CFAP54: variants seen among roughly 807,000 people sequenced by gnomAD.
CFAP54 encodes cilia and flagella associated protein 54.
Under a neutral mutation model 370.4 loss-of-function variants are expected in CFAP54, and 290 were observed. The observed-to-expected ratio is 0.78, with a 90% CI of 0.71 to 0.86. The LOEUF (loss-of-function observed/expected upper bound fraction) is 0.86. Ranked by LOEUF, CFAP54 falls within the 40% of genes least tolerant of loss-of-function variation. The pLI, the probability that CFAP54 is intolerant of heterozygous loss-of-function variation, is 0.00. For synonymous variants in CFAP54, 1,206 were observed against 1,236.5 expected (o/e 0.98, Z 0.52); for missense variants, 3,399 against 3,528.7 (o/e 0.96, Z 0.93).
chr12:96,548,177 A>G (rs896948334), intron 15 of CFAP54, among the ~76,000 whole-genome samples, 199 bp downstream of exon 15: 2 of 152,070 alleles, frequency 1.3e-5, no homozygotes, highest in Non-Finnish European at 2.9e-5. Flanking sequence ...AAGCCCCATT[A>G]TAATTTACCA....
chr12:96,647,644 C>A (rs1262950129), intron 33 of CFAP54, among the ~76,000 whole-genome samples: 1 of 151,806 alleles, frequency 6.6e-6, no homozygotes, highest in Non-Finnish European at 1.5e-5. Context: ...TTTTCAAGAG[C>A]CCTTTCAGAG....
At chr12:96,708,950 G>C (rs1957578189) in intron 48 of CFAP54, 147 bp downstream of exon 48, 3 of 638,394 alleles carry the variant, frequency 4.7e-6, no homozygotes, top group Non-Finnish European at 2.6e-6. Flanking sequence ...ATGTACTTAT[G>C]TCTAGGTGTA....
chr12:96,795,030 C>A (rs777842956), intron 63 of CFAP54, among the ~76,000 whole-genome samples: 2 of 152,282 alleles, frequency 1.3e-5, no homozygotes, highest in East Asian at 3.9e-4. Flanking sequence ...AGGCACCCAT[C>A]GAAGCTACCG....
intron 30 of CFAP54, among the ~76,000 whole-genome samples, chr12:96,629,489 A>G (rs1314491237): frequency 7.2e-6 from 1 of 139,442 alleles, no homozygotes; most frequent in South Asian, 2.3e-4. Context: ...TTTTTTTTGT[A>G]TTTTTAGTAG....
At chr12:96,510,532 C>T (rs909879836) in intron 4 of CFAP54, among the ~76,000 whole-genome samples, 1 of 152,166 alleles carries the variant, frequency 6.6e-6, no homozygotes, top group African/African-American at 2.4e-5. Context: ...CCCCAGTTCC[C>T]CGTTACTGGC....
At chr12:96,532,432 C>T (rs1003347204) in intron 9 of CFAP54, among the ~76,000 whole-genome samples, 3 of 152,142 alleles carry the variant, frequency 2.0e-5, no homozygotes, top group African/African-American at 4.8e-5. Context: ...ATAGTTTGGG[C>T]TCTTCTCTTC....
chr12:96,520,947 G>A (rs1264914305), intron 6 of CFAP54, among the ~76,000 whole-genome samples: 2 of 152,138 alleles, frequency 1.3e-5, no homozygotes, highest in Non-Finnish European at 2.9e-5. Flanking sequence ...TAACCTTCAC[G>A]GGTTACTTGT....
rs1565962359 is a variant in CFAP54, at chr12:96,744,003, A to G, written c.7558-17A>G. Reference sequence around the variant, plus strand: ...ACGTCAACTAATTGCTCATTACAATATTTGTTTTTTTAATAGATGCTAGCT... The same window carrying G: ...ACGTCAACTAATTGCTCATTACAATGTTTGTTTTTTTAATAGATGCTAGCT... On this transcript the variant is annotated splice_polypyrimidine_tract_variant and intron_variant, in intron 54 of 67. Coordinates refer to ENST00000524981, the MANE Select transcript of CFAP54 (RefSeq NM_001306084.2). The G allele has an allele frequency of 1.2e-6, 2 of 1,605,570 alleles. No individual in the cohort carries two copies. Among genetic ancestry groups the G allele is most frequent in the Non-Finnish European group, 1.7e-6 (2 of 1,177,544 alleles).
At chr12:96,869,203 A>G (rs1387215931) in intron 67 of CFAP54, among the ~76,000 whole-genome samples, 2 of 152,232 alleles carry the variant, frequency 1.3e-5, no homozygotes, top group Admixed American at 1.3e-4. Flanking sequence ...CCTTAGAAAC[A>G]GTTTAATTTT....
rs998422289 is a variant in CFAP54, at chr12:96,830,317, A to G, written c.9171+1229A>G. On this transcript the variant is annotated intron_variant, in intron 66 of 67. Transcript: ENST00000524981. ...GCTGTACAATTTTATACTACCACCA[A>G]CAATGCATAGAGGTTCCAATTTCTC... Among the ~76,000 whole-genome samples the G allele has an allele frequency of 2.0e-5, 3 of 152,284 alleles. No homozygotes were observed. The South Asian group carries it at 6.2e-4, about 32-fold the overall frequency.
At chr12:96,542,519 C>T (rs995859133) in intron 14 of CFAP54, among the ~76,000 whole-genome samples, 4 of 152,138 alleles carry the variant, frequency 2.6e-5, no homozygotes, top group Middle Eastern at 3.2e-3. Context: ...AAAAATAAAT[C>T]ACCATGTATG....
intron 63 of CFAP54, among the ~76,000 whole-genome samples, chr12:96,799,377 T>A (rs1404718186): frequency 5.9e-5 from 9 of 152,226 alleles, no homozygotes. Flanking sequence ...ATTTGCTTTT[T>A]GTGTTCTGCA....
intron 66 of CFAP54, among the ~76,000 whole-genome samples, chr12:96,856,052 A>G (rs1099728): frequency 0.98 from 148,630 of 152,318 alleles, 72,526 homozygotes; most frequent in East Asian, 1. Context: ...CCATGTGGAA[A>G]CTGCCAAGGC....
chr12:96,731,449 A>G (rs886849294), intron 50 of CFAP54, among the ~76,000 whole-genome samples: 1 of 152,208 alleles, frequency 6.6e-6, no homozygotes, highest in Non-Finnish European at 1.5e-5. Flanking sequence ...AAAACAATGG[A>G]CAAACTATGG....
At chr12:96,565,407 T>A (rs111531788) in intron 19 of CFAP54, among the ~76,000 whole-genome samples, 42 of 152,014 alleles carry the variant, frequency 2.8e-4, no homozygotes, top group Middle Eastern at 3.4e-3. Flanking sequence ...TTAAAAAAAA[T>A]TTTTTTTGGT....
chr12:96,556,322 CA>C (rs139566944), intron 17 of CFAP54, among the ~76,000 whole-genome samples: 18 of 139,460 alleles, frequency 1.3e-4, no homozygotes, highest in Admixed American at 5.0e-4. Flanking sequence ...ATAAGGAAAG[CA>C]AAAAAAAAAT....
chr12:96,495,638 C>T (rs888640310), intron 1 of CFAP54, among the ~76,000 whole-genome samples: 2 of 151,856 alleles, frequency 1.3e-5, no homozygotes, highest in Admixed American at 6.6e-5. Context: ...TGTTTTAGAA[C>T]ATTTTACATA....
chr12:96,607,529 G>A (rs1956314020), intron 26 of CFAP54, among the ~76,000 whole-genome samples: 1 of 152,126 alleles, frequency 6.6e-6, no homozygotes, highest in African/African-American at 2.4e-5. Flanking sequence ...TTCCAACATA[G>A]TACAGAATTA....
In CFAP54 at chr12:96,814,152, G is replaced by A. The variant is rs189531621; in HGVS notation, c.8957+2310G>A. On this transcript the variant is annotated intron_variant, in intron 64 of 67. Coordinates refer to ENST00000524981, the MANE Select transcript of CFAP54 (RefSeq NM_001306084.2). Reference sequence around the variant, plus strand: ...ATCTGAAACCCAAATGTCAAAGAACGGTTTATCCTTCCTAGAATCCCAAGT... The same window carrying A: ...ATCTGAAACCCAAATGTCAAAGAACAGTTTATCCTTCCTAGAATCCCAAGT... Among the ~76,000 whole-genome samples the A allele has an allele frequency of 3.7e-4, 57 of 152,228 alleles. 1 individual carries two copies. The highest frequency in any genetic ancestry group is 2.9e-4 in the Non-Finnish European group (20 of 68,000).
Sources: allele counts gnomAD v4.1 joint callset (sites outside exome capture counted in the v4.1 genomes callset), GRCh38; gene constraint gnomAD v4.1.1; transcripts MANE v1.5; gene names NCBI Gene and HGNC (gene_info 2026-07-23, HGNC 2026-07-21).